The following GTF2IRD1 variants were observed in gnomAD, a reference collection of about 807,000 sequenced individuals.
The protein encoded by GTF2IRD1 is general transcription factor II-I repeat domain-containing protein 1.
GTF2IRD1 carries 26 observed loss-of-function variants against 113.2 expected under a neutral mutation model. The observed-to-expected ratio is 0.23, with a 90% CI of 0.17 to 0.32. The LOEUF (loss-of-function observed/expected upper bound fraction) is 0.32. GTF2IRD1 is among the 10% of genes least tolerant of loss of function. GTF2IRD1 has a pLI of 1.00. For missense variants in GTF2IRD1, 864 were observed against 1,280.8 expected (o/e 0.67, Z 4.97); for synonymous variants, 484 against 529.1 (o/e 0.91, Z 1.17).
intron 3 of GTF2IRD1, among the ~76,000 whole-genome samples, 196 bp downstream of exon 3, chr7:74,513,167 A>T (rs1796732759): frequency 1.3e-5 from 2 of 152,206 alleles, no homozygotes; most frequent in African/African-American, 4.8e-5. Context: ...TGGCTGGGTG[A>T]ACCCCAGGGT....
rs782390446 is a variant in GTF2IRD1, at chr7:74,518,228, G to C, written c.511G>C (p.Glu171Gln). The change falls in exon 5 of 27, where the codon GAA becomes CAA. Residue 171 changes from glutamate to glutamine, a missense_variant. By Grantham distance (29) the Glu-to-Gln change is conservative (BLOSUM62 2). Around this residue, in one of 7 missense-constraint regions of GTF2IRD1, gnomAD observed 182 missense variants for 266.6 expected, o/e 0.68. Transcript: ENST00000424337. ...PGLLAVQGLP[E>Q]GLAFRRPAEY... ...GCTGCTGGCCGTGCAGGGGCTGCCCGAAGGCCTGGCCTTCCGAAGGCCAGC... is the reference window on the plus strand; with the variant it reads ...GCTGCTGGCCGTGCAGGGGCTGCCCCAAGGCCTGGCCTTCCGAAGGCCAGC... The C allele has an allele frequency of 2.5e-6, 4 of 1,611,652 alleles. No homozygotes were observed. Among genetic ancestry groups the C allele is most frequent in the Middle Eastern group, 1.7e-4 (1 of 6,054 alleles).
chr7:74,601,209 ACTCAT>A, intron 26 of GTF2IRD1, 29 bp downstream of exon 26: 1 of 1,556,386 alleles, frequency 6.4e-7, no homozygotes, highest in East Asian at 2.4e-5. Flanking sequence ...GGACTCCGGC[ACTCAT>A]CTCTGTGGCC....
chr7:74,494,427 G>C (rs1336460026), intron 1 of GTF2IRD1, among the ~76,000 whole-genome samples: 2 of 152,230 alleles, frequency 1.3e-5, no homozygotes, highest in African/African-American at 4.8e-5. Flanking sequence ...CCACGTGTCA[G>C]CTCAGAGTCC....
At chr7:74,516,459 G>A (rs587705847) in intron 4 of GTF2IRD1, among the ~76,000 whole-genome samples, 1 of 152,226 alleles carries the variant, frequency 6.6e-6, no homozygotes, top group East Asian at 1.9e-4. Context: ...CCTCCCTTGG[G>A]AAGCGTCAGG....
intron 1 of GTF2IRD1, among the ~76,000 whole-genome samples, chr7:74,475,616 T>A (rs532111865): frequency 2.2e-4 from 34 of 152,268 alleles, no homozygotes; most frequent in African/African-American, 8.2e-4. Context: ...GAGGGGCCGC[T>A]TCATGAAATT....
rs1433986893 is a variant in GTF2IRD1, at chr7:74,497,983, C to A, written c.-6-10092C>A. Among the ~76,000 whole-genome samples the A allele has an allele frequency of 2.6e-4, 40 of 152,158 alleles. 1 individual carries two copies. The highest frequency in any genetic ancestry group is 2.6e-3 in the Admixed American group (40 of 15,270). Reference sequence around the variant, plus strand: ...CCTCCCAAAGTGCTGGGATTACAGGCATGAGCCACCGCGCCCCGCTTTCTT... The same window carrying A: ...CCTCCCAAAGTGCTGGGATTACAGGAATGAGCCACCGCGCCCCGCTTTCTT... On this transcript the variant is annotated intron_variant, in intron 1 of 26. Transcript: ENST00000424337.
intron 22 of GTF2IRD1, 76 bp from the exon 23 acceptor site, chr7:74,589,775 C>T (rs1554368846): frequency 5.9e-6 from 5 of 847,508 alleles, no homozygotes; most frequent in African/African-American, 1.7e-5. Context: ...AGATCAGGGA[C>T]GCCTGGTGGG....
At chr7:74,584,077 A>G (rs1345866049) in intron 22 of GTF2IRD1, among the ~76,000 whole-genome samples, 1 of 152,120 alleles carries the variant, frequency 6.6e-6, no homozygotes, top group Non-Finnish European at 1.5e-5. Context: ...ATGGGGGAGG[A>G]CACAGCCAGG....
intron 22 of GTF2IRD1, among the ~76,000 whole-genome samples, chr7:74,570,595 A>C (rs1554362369): frequency 6.6e-6 from 1 of 152,166 alleles, no homozygotes; most frequent in Non-Finnish European, 1.5e-5. Flanking sequence ...TCAAAGCTGC[A>C]GTAAGCTGTG....
At chr7:74,518,850 T>A (rs2074659) in intron 5 of GTF2IRD1, among the ~76,000 whole-genome samples, 2 of 151,934 alleles carry the variant, frequency 1.3e-5, no homozygotes, top group Non-Finnish European at 2.9e-5. Context: ...ATTGCGTCAC[T>A]GCACTCCAGC....
intron 2 of GTF2IRD1, among the ~76,000 whole-genome samples, chr7:74,511,798 C>T (rs1174176940): frequency 6.6e-6 from 1 of 152,208 alleles, no homozygotes; most frequent in East Asian, 1.9e-4. Flanking sequence ...CTGCCTGCCA[C>T]AGGCTTCACA....
chr7:74,528,869 A>AGATGGATGGATGGATGGATG (rs781849655), intron 8 of GTF2IRD1, among the ~76,000 whole-genome samples: 1 of 101,676 alleles, frequency 9.8e-6, no homozygotes, highest in Admixed American at 1.1e-4. Flanking sequence ...ATGAATGGGC[A>AGATGGATGGATGGATGGATG]GATGGATGGA....
chr7:74,473,849 C>G (rs37623), intron 1 of GTF2IRD1, among the ~76,000 whole-genome samples: 37,907 of 152,014 alleles, frequency 0.25, 5,838 homozygotes, highest in Middle Eastern at 0.4. Context: ...CAGTGGCTCA[C>G]GCCGAGCTGG....
intron 4 of GTF2IRD1, 93 bp downstream of exon 4, chr7:74,515,689 G>A (rs1481025379): frequency 3.6e-6 from 4 of 1,126,316 alleles, no homozygotes; most frequent in Non-Finnish European, 5.0e-6. Context: ...GTCCCACTAT[G>A]GGCCCTGGGC....
chr7:74,499,402 GGGAA>G (rs781813202), intron 1 of GTF2IRD1, among the ~76,000 whole-genome samples: 102 of 151,768 alleles, frequency 6.7e-4, no homozygotes, highest in South Asian at 1.5e-3. Context: ...AAGGGAGGAA[GGGAA>G]GGAAGGAAGG....
intron 16 of GTF2IRD1, among the ~76,000 whole-genome samples, chr7:74,546,218 CTT>C (rs1222914895): frequency 6.3e-5 from 8 of 126,494 alleles, no homozygotes; most frequent in Non-Finnish European, 8.5e-5. Context: ...CCATGTTTTT[CTT>C]TTTTTTTTTT....
At chr7:74,464,277 A>C (rs1258601406) in intron 1 of GTF2IRD1, among the ~76,000 whole-genome samples, 1 of 152,190 alleles carries the variant, frequency 6.6e-6, no homozygotes, top group African/African-American at 2.4e-5. Flanking sequence ...CCAGGTGGGC[A>C]TGAATGAAGC....
At chr7:74,593,485 G>A (rs1802197930) in intron 24 of GTF2IRD1, among the ~76,000 whole-genome samples, 4 of 148,004 alleles carry the variant, frequency 2.7e-5, no homozygotes, top group Admixed American at 2.0e-4. Context: ...TGTAATCCCA[G>A]CACTTTGGGA....
intron 22 of GTF2IRD1, among the ~76,000 whole-genome samples, chr7:74,564,906 G>T (rs587669979): frequency 1.6e-4 from 24 of 152,308 alleles, no homozygotes; most frequent in Admixed American, 1.3e-3. Context: ...TGAGAGGAAG[G>T]CATACTTGGA....
Sources: gnomAD v4.1 joint callset for allele counts (sites outside exome capture counted in the v4.1 genomes callset) on GRCh38, gnomAD v4.1.1 for gene constraint, gnomAD v4.1.1 regional missense constraint, MANE v1.5 for transcripts, NCBI Gene and HGNC (gene_info 2026-07-23, HGNC 2026-07-21) for gene names.